LRP1B: variants seen among roughly 807,000 people sequenced by gnomAD.
The protein encoded by LRP1B is LDL receptor related protein 1B.
LRP1B carries 217 observed loss-of-function variants against 556.6 expected under a neutral mutation model. That is an observed-to-expected ratio of 0.39 (90% CI 0.35 to 0.44). The LOEUF is 0.44. LRP1B is among the 20% of genes least tolerant of loss of function. The pLI is 1.00. For synonymous variants in LRP1B, 2,047 were observed against 1,865.8 expected (o/e 1.10, Z -2.50); for missense variants, 5,053 against 5,620.8 (o/e 0.90, Z 3.23).
Position 141,374,133 on chromosome 2 carries a change from T to C in LRP1B, c.343+106263A>G, listed in dbSNP as rs567578032. On this transcript the variant is annotated intron_variant, in intron 3 of 90. Coordinates refer to ENST00000389484, the MANE Select transcript of LRP1B (RefSeq NM_018557.3). Reference sequence around the variant, plus strand: ...TGCAGCTTCAGGCAGGGTATGTTTATAGAGAAATATACAGAAAAACACTGT... The same window carrying C: ...TGCAGCTTCAGGCAGGGTATGTTTACAGAGAAATATACAGAAAAACACTGT... Among the ~76,000 whole-genome samples, 5 of 152,150 alleles carry C rather than the reference T, an allele frequency of 3.3e-5. No individual in the cohort carries two copies. The East Asian group carries it at 9.6e-4, about 29-fold the overall frequency.
At chr2:141,895,419 A>G (rs530248825) in intron 1 of LRP1B, among the ~76,000 whole-genome samples, 110 of 152,340 alleles carry the variant, frequency 7.2e-4, no homozygotes, top group African/African-American at 2.5e-3. Flanking sequence ...ATGTAGATAT[A>G]TATTTCATTA....
At chr2:141,032,620 T>C (rs1273115540) in intron 11 of LRP1B, among the ~76,000 whole-genome samples, 1 of 152,030 alleles carries the variant, frequency 6.6e-6, no homozygotes, top group Non-Finnish European at 1.5e-5. Context: ...TTTGTATTTC[T>C]TCTTCTGTGA....
At chr2:141,920,521 G>A (rs1338792853) in intron 1 of LRP1B, among the ~76,000 whole-genome samples, 1 of 151,964 alleles carries the variant, frequency 6.6e-6, no homozygotes, top group African/African-American at 2.4e-5. Context: ...GCTGACAGGA[G>A]GAAAGGATGA....
chr2:141,047,086 A>AAT (rs1698897413), intron 11 of LRP1B, among the ~76,000 whole-genome samples: 2 of 32,116 alleles, frequency 6.2e-5, no homozygotes, highest in African/African-American at 8.4e-5. Flanking sequence ...TAATAATAAT[A>AAT]AATGCAAGTG....
intron 86 of LRP1B, among the ~76,000 whole-genome samples, chr2:140,264,157 C>T (rs1233198456): frequency 7.7e-6 from 1 of 130,320 alleles, no homozygotes; most frequent in Non-Finnish European, 1.9e-5. Context: ...GTTCTTATCA[C>T]CCTTCTTACA....
intron 2 of LRP1B, among the ~76,000 whole-genome samples, chr2:141,735,380 A>G (rs991860144): frequency 1.3e-5 from 2 of 152,024 alleles, no homozygotes; most frequent in South Asian, 2.1e-4. Flanking sequence ...CATTAGGCCC[A>G]CAAGGAAAGC....
At chr2:140,789,475 A>G (rs865814352) in intron 32 of LRP1B, among the ~76,000 whole-genome samples, 1 of 152,142 alleles carries the variant, frequency 6.6e-6, no homozygotes. Context: ...TCAACTGGCT[A>G]TGAAAGTGAA....
At chr2:141,626,209 G>A (rs1688696747) in intron 2 of LRP1B, among the ~76,000 whole-genome samples, 1 of 152,110 alleles carries the variant, frequency 6.6e-6, no homozygotes, top group Non-Finnish European at 1.5e-5. Flanking sequence ...CAATACAATA[G>A]AGAAAAGATA....
intron 2 of LRP1B, among the ~76,000 whole-genome samples, chr2:141,650,236 C>T (rs1689734819): frequency 6.6e-6 from 1 of 152,124 alleles, no homozygotes. Flanking sequence ...ATAACCCTGT[C>T]CCTTTCACTC....
At chr2:141,708,338 C>T (rs1031615346) in intron 2 of LRP1B, among the ~76,000 whole-genome samples, 1 of 152,042 alleles carries the variant, frequency 6.6e-6, no homozygotes, top group African/African-American at 2.4e-5. Flanking sequence ...GGATGCCAGA[C>T]AGCACCTCCT....
chr2:140,304,650 T>C (rs1219570252), intron 83 of LRP1B, among the ~76,000 whole-genome samples: 2 of 152,224 alleles, frequency 1.3e-5, no homozygotes, highest in Admixed American at 6.5e-5. Context: ...GCAGAAGCTC[T>C]TGAGTTTAGT....
At chr2:141,391,648 A>G (rs1213623455) in intron 3 of LRP1B, among the ~76,000 whole-genome samples, 2 of 152,236 alleles carry the variant, frequency 1.3e-5, no homozygotes, top group African/African-American at 2.4e-5. Context: ...TTTGTTTTGA[A>G]AAGATGACTG....
At chr2:141,835,102 T>C (rs750317478) in intron 1 of LRP1B, among the ~76,000 whole-genome samples, 4 of 152,060 alleles carry the variant, frequency 2.6e-5, no homozygotes, top group Non-Finnish European at 4.4e-5. Context: ...TCTGATTATC[T>C]ACATGATGAG....
At chr2:141,312,048 A>G (rs1686830117) in intron 3 of LRP1B, among the ~76,000 whole-genome samples, 1 of 152,144 alleles carries the variant, frequency 6.6e-6, no homozygotes, top group Non-Finnish European at 1.5e-5. Context: ...GGAAAATCTG[A>G]ATCTTCTTAG....
intron 35 of LRP1B, among the ~76,000 whole-genome samples, chr2:140,724,256 G>A (rs942857332): frequency 6.6e-6 from 1 of 152,128 alleles, no homozygotes; most frequent in East Asian, 1.9e-4. Context: ...AGGCCAAGAA[G>A]GGAGGATTGC....
At chr2:142,127,406 T>C (rs376507725) in intron 1 of LRP1B, among the ~76,000 whole-genome samples, 7 of 118,728 alleles carry the variant, frequency 5.9e-5, no homozygotes, top group Admixed American at 1.6e-4. Flanking sequence ...ATCCATCCAT[T>C]CATCTTTTTC....
intron 15 of LRP1B, 78 bp from the exon 16 acceptor site, chr2:140,994,213 TTTTG>T: frequency 7.6e-7 from 1 of 1,323,282 alleles, no homozygotes; most frequent in Non-Finnish European, 1.1e-6. Flanking sequence ...TTGTAGAGTT[TTTTG>T]TTTGTTTTAG....
chr2:142,039,914 A>T (rs573541403), intron 1 of LRP1B, among the ~76,000 whole-genome samples: 1 of 150,762 alleles, frequency 6.6e-6, no homozygotes, highest in Non-Finnish European at 1.5e-5. Context: ...TCATCAATCA[A>T]TTAAGCAGCA....
At chr2:141,471,229 T>C (rs1241369629) in intron 3 of LRP1B, among the ~76,000 whole-genome samples, 2 of 151,450 alleles carry the variant, frequency 1.3e-5, no homozygotes, top group Non-Finnish European at 2.9e-5. Context: ...AACAATTTCA[T>C]ATAACACCCT....
Sources: allele counts gnomAD v4.1 joint callset (sites outside exome capture counted in the v4.1 genomes callset), GRCh38; gene constraint gnomAD v4.1.1; transcripts MANE v1.5; gene names NCBI Gene and HGNC (gene_info 2026-07-23, HGNC 2026-07-21).